The following EFNA5 variants were observed in gnomAD, a reference collection of about 807,000 sequenced individuals.
EFNA5 encodes ephrin-A5.
A neutral mutation model predicts 22.9 loss-of-function variants in EFNA5; 5 were observed. The observed-to-expected ratio is 0.22, with a 90% CI of 0.11 to 0.46. The LOEUF (loss-of-function observed/expected upper bound fraction) is 0.46. Ranked by LOEUF, EFNA5 falls within the 20% of genes least tolerant of loss-of-function variation. EFNA5 has a pLI of 0.99. For missense variants in EFNA5, 237 were observed against 293.3 expected, an observed-to-expected ratio of 0.81 and a Z score of 1.40; for synonymous variants, 113 against 112.2, an observed-to-expected ratio of 1.01 and a Z score of -0.04.
At chr5:107,572,425 A>G (rs939393197) in intron 1 of EFNA5, among the ~76,000 whole-genome samples, 1 of 152,152 alleles carries the variant, frequency 6.6e-6, no homozygotes, top group Non-Finnish European at 1.5e-5. Flanking sequence ...GAAAAGAATG[A>G]ATACAAACCT....
chr5:107,474,581 G>C (rs931940641), intron 1 of EFNA5, among the ~76,000 whole-genome samples: 1 of 152,112 alleles, frequency 6.6e-6, no homozygotes, highest in Non-Finnish European at 1.5e-5. Context: ...CATTACGAAC[G>C]AGGAATGGTT....
At chr5:107,493,355 A>T (rs894600208) in intron 1 of EFNA5, among the ~76,000 whole-genome samples, 6 of 149,062 alleles carry the variant, frequency 4.0e-5, no homozygotes, top group Non-Finnish European at 4.5e-5. Context: ...ATTACTGATT[A>T]AAAAAAAAAG....
At chr5:107,555,568 G>A (rs975092229) in intron 1 of EFNA5, among the ~76,000 whole-genome samples, 1 of 152,198 alleles carries the variant, frequency 6.6e-6, no homozygotes, top group Non-Finnish European at 1.5e-5. Flanking sequence ...CTGCCATGTA[G>A]AGTAAGCACT....
chr5:107,483,102 T>C (rs759628581), intron 1 of EFNA5, among the ~76,000 whole-genome samples: 1 of 152,162 alleles, frequency 6.6e-6, no homozygotes, highest in African/African-American at 2.4e-5. Flanking sequence ...TATGTAATAG[T>C]GTGAACAAAG....
intron 1 of EFNA5, among the ~76,000 whole-genome samples, chr5:107,615,405 G>A (rs937005319): frequency 4.6e-5 from 7 of 152,110 alleles, no homozygotes; most frequent in African/African-American, 1.7e-4. Context: ...GGAGGGGGGA[G>A]TGGTATCAGG....
At chr5:107,654,284 C>T (rs1021159852) in intron 1 of EFNA5, among the ~76,000 whole-genome samples, 4 of 152,022 alleles carry the variant, frequency 2.6e-5, no homozygotes, top group Non-Finnish European at 4.4e-5. Context: ...TATAGACAGA[C>T]CTTCTATATT....
chr5:107,441,147 T>A (rs543743741), intron 1 of EFNA5, among the ~76,000 whole-genome samples: 1 of 152,216 alleles, frequency 6.6e-6, no homozygotes, highest in South Asian at 2.1e-4. Flanking sequence ...ACTCTGTATC[T>A]GAGAAAGATT....
chr5:107,381,592 C>T (rs1454350464), intron 4 of EFNA5, among the ~76,000 whole-genome samples: 1 of 152,186 alleles, frequency 6.6e-6, no homozygotes, highest in African/African-American at 2.4e-5. Context: ...TTAATACTTT[C>T]CTTAAAAATT....
At chr5:107,498,955 AGTATGTAT>A (rs60164431) in intron 1 of EFNA5, among the ~76,000 whole-genome samples, 44 of 148,458 alleles carry the variant, frequency 3.0e-4, no homozygotes, top group Non-Finnish European at 3.7e-4. Context: ...TATGTATATA[AGTATGTAT>A]GTATGTATGT....
intron 1 of EFNA5, among the ~76,000 whole-genome samples, chr5:107,593,023 T>C (rs1018203249): frequency 4.6e-5 from 7 of 152,194 alleles, no homozygotes; most frequent in Non-Finnish European, 1.5e-5. Context: ...TTAAAAGAGA[T>C]GTGAGAAACT....
chr5:107,620,225 A>C (rs1750006149), intron 1 of EFNA5, among the ~76,000 whole-genome samples: 1 of 152,250 alleles, frequency 6.6e-6, no homozygotes, highest in African/African-American at 2.4e-5. Flanking sequence ...TTTTCTAAAA[A>C]ACAAAAACAA....
chr5:107,395,898 A>G (rs951319413), intron 2 of EFNA5, among the ~76,000 whole-genome samples: 2 of 152,244 alleles, frequency 1.3e-5, no homozygotes, highest in South Asian at 2.1e-4. Flanking sequence ...CTAGAATCCC[A>G]CAAGAGGAAC....
chr5:107,543,904 G>A (rs903134674), intron 1 of EFNA5, among the ~76,000 whole-genome samples: 2 of 152,212 alleles, frequency 1.3e-5, no homozygotes, highest in East Asian at 1.9e-4. Context: ...CATAGATTCC[G>A]AAGATTAAAA....
intron 2 of EFNA5, 91 bp from the exon 3 acceptor site, chr5:107,387,862 T>C (rs1747674900): frequency 1.1e-6 from 1 of 937,374 alleles, no homozygotes; most frequent in Non-Finnish European, 1.6e-6. Context: ...GAACAATAAA[T>C]TCTTTCCTGA....
At chr5:107,399,744 T>C (rs930429907) in intron 2 of EFNA5, among the ~76,000 whole-genome samples, 4 of 152,188 alleles carry the variant, frequency 2.6e-5, no homozygotes, top group African/African-American at 7.2e-5. Context: ...GGGATACAAC[T>C]ATCTTTCAAC....
At chr5:107,631,834 T>G (rs1750260923) in intron 1 of EFNA5, among the ~76,000 whole-genome samples, 1 of 152,224 alleles carries the variant, frequency 6.6e-6, no homozygotes, top group Non-Finnish European at 1.5e-5. Flanking sequence ...AATACATATA[T>G]TTGGATGTTT....
At chr5:107,554,738 T>C (rs558209819) in intron 1 of EFNA5, among the ~76,000 whole-genome samples, 2 of 152,314 alleles carry the variant, frequency 1.3e-5, no homozygotes, top group East Asian at 3.9e-4. Context: ...CTATCAGTAA[T>C]AACCCTATGG....
chr5:107,507,150 C>A (rs191662171), intron 1 of EFNA5, among the ~76,000 whole-genome samples: 3 of 152,008 alleles, frequency 2.0e-5, no homozygotes, highest in South Asian at 4.2e-4. Context: ...ATAAATGATA[C>A]AATCAGAAAA....
At chr5:107,476,734 T>TC (rs1491455099) in intron 1 of EFNA5, among the ~76,000 whole-genome samples, 135 of 115,058 alleles carry the variant, frequency 1.2e-3, no homozygotes, top group Non-Finnish European at 1.6e-3. Context: ...ATTTTTTCTC[T>TC]TTCTCTCTCT....
Sources: gnomAD v4.1 joint callset for allele counts (sites outside exome capture counted in the v4.1 genomes callset) on GRCh38, gnomAD v4.1.1 for gene constraint, MANE v1.5 for transcripts, NCBI Gene and HGNC (gene_info 2026-07-23, HGNC 2026-07-21) for gene names.